The following GALNT13 variants were observed in gnomAD, a reference collection of about 807,000 sequenced individuals.
GALNT13 encodes the protein polypeptide N-acetylgalactosaminyltransferase 13.
Under a neutral mutation model 64.2 loss-of-function variants are expected in GALNT13, and 28 were observed. That is an observed-to-expected ratio of 0.44 (90% confidence interval 0.32 to 0.60). The LOEUF (loss-of-function observed/expected upper bound fraction) is 0.60. Among genes scored for constraint, GALNT13 ranks in the 20% least tolerant of loss-of-function variants. The pLI, the probability that GALNT13 is intolerant of heterozygous loss-of-function variation, is 0.05. For synonymous variants in GALNT13, 214 were observed against 224.6 expected (o/e 0.95, Z 0.42); for missense variants, 577 against 669.8 (o/e 0.86, Z 1.53).
At chr2:153,252,192 G>T in the GALNT13 span, among the ~76,000 whole-genome samples, 15 of 146,872 alleles carry the variant, frequency 1.0e-4, no homozygotes, top group African/African-American at 3.1e-4. Context: ...ATCTCATTGT[G>T]GTTTTGATTT....
the GALNT13 span, among the ~76,000 whole-genome samples, chr2:153,464,168 A>G: frequency 6.6e-6 from 1 of 152,080 alleles, no homozygotes; most frequent in African/African-American, 2.4e-5. Flanking sequence ...ATTGACTCAG[A>G]AACTGGACAA....
chr2:153,606,865 GT>G, the GALNT13 span, among the ~76,000 whole-genome samples: 2,863 of 122,846 alleles, frequency 0.023, 34 homozygotes, highest in African/African-American at 0.044. Flanking sequence ...ATGTCGTCAG[GT>G]TTTTTTTTTT....
the GALNT13 span, among the ~76,000 whole-genome samples, chr2:153,618,158 A>G: frequency 6.6e-6 from 1 of 151,792 alleles, no homozygotes; most frequent in Non-Finnish European, 1.5e-5. Context: ...GTAGGCTCTT[A>G]TACCTATAAA....
chr2:153,234,610 T>G, the GALNT13 span, among the ~76,000 whole-genome samples: 1 of 152,144 alleles, frequency 6.6e-6, no homozygotes. Context: ...AGTAAGCATC[T>G]CAAGGGAATA....
chr2:153,916,944 G>A (rs1229478263), intron 2 of GALNT13, among the ~76,000 whole-genome samples: 4 of 152,144 alleles, frequency 2.6e-5, no homozygotes, highest in Non-Finnish European at 5.9e-5. Flanking sequence ...TTTATGTAAT[G>A]TCAAACCAAG....
chr2:153,876,164 C>A (rs1686353992), intron 1 of GALNT13, among the ~76,000 whole-genome samples: 2 of 150,838 alleles, frequency 1.3e-5, no homozygotes, highest in African/African-American at 4.9e-5. Context: ...ATTCTGACAA[C>A]CTATTTAATG....
chr2:153,366,844 A>T, the GALNT13 span, among the ~76,000 whole-genome samples: 1 of 151,990 alleles, frequency 6.6e-6, no homozygotes, highest in Non-Finnish European at 1.5e-5. Flanking sequence ...AGACAAAATT[A>T]GCATTGCTTA....
chr2:154,061,154 G>A (rs894449827), intron 3 of GALNT13, among the ~76,000 whole-genome samples: 1 of 151,934 alleles, frequency 6.6e-6, no homozygotes, highest in Non-Finnish European at 1.5e-5. Flanking sequence ...CCTATTGTTA[G>A]CATTTTACTC....
chr2:153,889,930 G>A lies in GALNT13; in HGVS notation c.-176-11006G>A, dbSNP rs192073348. Among the ~76,000 whole-genome samples the A allele has an allele frequency of 4.8e-3, 733 of 151,776 alleles. 3 individuals carry two copies. Among genetic ancestry groups the A allele is most frequent in the Middle Eastern group, 0.01 (3 of 294 alleles). ...CTTTTTGCAATTATAAAACCCTGGGGGTCCACTGGCCAAAATTTAGTTTTG... is the reference window on the plus strand; with the variant it reads ...CTTTTTGCAATTATAAAACCCTGGGAGTCCACTGGCCAAAATTTAGTTTTG... On this transcript the variant is annotated intron_variant, in intron 1 of 12. Coordinates refer to ENST00000392825, the MANE Select transcript of GALNT13 (RefSeq NM_052917.4).
At chr2:153,214,440 A>G in the GALNT13 span, among the ~76,000 whole-genome samples, 1 of 152,160 alleles carries the variant, frequency 6.6e-6, no homozygotes, top group Non-Finnish European at 1.5e-5. Flanking sequence ...ATATCCCATC[A>G]TCATAATTCT....
chr2:153,612,468 G>A, the GALNT13 span, among the ~76,000 whole-genome samples: 1 of 152,114 alleles, frequency 6.6e-6, no homozygotes, highest in Non-Finnish European at 1.5e-5. Flanking sequence ...AGGAGAATTT[G>A]ATGGATTTGA....
the GALNT13 span, among the ~76,000 whole-genome samples, chr2:153,308,439 G>A: frequency 5.1e-3 from 771 of 152,124 alleles, 4 homozygotes; most frequent in Non-Finnish European, 8.6e-3. Flanking sequence ...AGTCTGTATC[G>A]ACAGAACCAC....
chr2:153,910,872 G>A (rs1688892346), intron 2 of GALNT13, among the ~76,000 whole-genome samples: 1 of 152,200 alleles, frequency 6.6e-6, no homozygotes, highest in Admixed American at 6.5e-5. Flanking sequence ...TATGTGCCAT[G>A]TGGCAATGAG....
At chr2:153,758,239 T>C in the GALNT13 span, among the ~76,000 whole-genome samples, 2 of 152,106 alleles carry the variant, frequency 1.3e-5, no homozygotes, top group African/African-American at 4.8e-5. Context: ...GAAGAGACTG[T>C]CTTTTTTCTA....
At chr2:153,688,263 A>T in the GALNT13 span, among the ~76,000 whole-genome samples, 1 of 151,938 alleles carries the variant, frequency 6.6e-6, no homozygotes, top group Non-Finnish European at 1.5e-5. Context: ...AATATTTACT[A>T]CTTGGTCTTT....
chr2:153,401,844 G>C, the GALNT13 span, among the ~76,000 whole-genome samples: 7 of 152,148 alleles, frequency 4.6e-5, no homozygotes, highest in African/African-American at 1.7e-4. Context: ...TGGGTTTCCT[G>C]AATACAGCAC....
At chr2:154,241,225 G>C (rs1202084351) in intron 4 of GALNT13, among the ~76,000 whole-genome samples, 1 of 152,148 alleles carries the variant, frequency 6.6e-6, no homozygotes, top group Non-Finnish European at 1.5e-5. Context: ...GCAGGCCAGG[G>C]CGGTCTTGGG....
At chr2:153,834,759 A>G in the GALNT13 span, among the ~76,000 whole-genome samples, 2 of 152,106 alleles carry the variant, frequency 1.3e-5, no homozygotes, top group East Asian at 3.9e-4. Flanking sequence ...AAAGATAATG[A>G]GGCATACAAC....
the GALNT13 span, among the ~76,000 whole-genome samples, chr2:153,838,360 T>C: frequency 3.3e-5 from 5 of 152,000 alleles, no homozygotes; most frequent in African/African-American, 1.2e-4. Context: ...CTATATTTCT[T>C]CTAGGATTTT....
Sources: gnomAD v4.1 joint callset for allele counts (sites outside exome capture counted in the v4.1 genomes callset) on GRCh38, gnomAD v4.1.1 for gene constraint, MANE v1.5 for transcripts, NCBI Gene and HGNC (gene_info 2026-07-23, HGNC 2026-07-21) for gene names.